ESRRG: variants seen among roughly 807,000 people sequenced by gnomAD.
ESRRG encodes estrogen-related receptor gamma.
A neutral mutation model predicts 44.0 loss-of-function variants in ESRRG; 13 were observed. The observed-to-expected ratio is 0.30, with a 90% CI of 0.19 to 0.47. The LOEUF (loss-of-function observed/expected upper bound fraction) is 0.47, where lower values mean the gene tolerates loss of function less well. Ranked by LOEUF, ESRRG falls within the 20% of genes least tolerant of loss-of-function variation. The pLI is 1.00. For synonymous variants in ESRRG, 215 were observed against 214.6 expected, an observed-to-expected ratio of 1.00 and a Z score of -0.02; for missense variants, 395 against 580.6, an observed-to-expected ratio of 0.68 and a Z score of 3.29.
intron 1 of ESRRG, among the ~76,000 whole-genome samples, chr1:216,717,810 T>C (rs2085235877): frequency 6.6e-6 from 1 of 151,880 alleles, no homozygotes; most frequent in South Asian, 2.1e-4. Flanking sequence ...GCAAATGATA[T>C]GTTTATGTAG....
At chr1:217,060,245 CTA>C (rs2088070593) in intron 1 of ESRRG, among the ~76,000 whole-genome samples, 2 of 152,176 alleles carry the variant, frequency 1.3e-5, no homozygotes, top group East Asian at 1.9e-4. Context: ...TTTTAAAAGA[CTA>C]TGAGTTTCTC....
At chr1:216,968,455 G>A (rs2150256382) in intron 1 of ESRRG, among the ~76,000 whole-genome samples, 1 of 152,116 alleles carries the variant, frequency 6.6e-6, no homozygotes, top group Admixed American at 6.5e-5. Flanking sequence ...TTTGCATGTG[G>A]ATATCCAGTT....
At chr1:216,570,770 T>G (rs1240532977) in intron 3 of ESRRG, among the ~76,000 whole-genome samples, 2 of 152,116 alleles carry the variant, frequency 1.3e-5, no homozygotes, top group Non-Finnish European at 2.9e-5. Flanking sequence ...GAGGGAACAT[T>G]TTTTGGACAT....
At position 216,769,209 on chromosome 1, in the gene ESRRG, T is replaced by TA. The variant is rs1231007792; in HGVS notation, c.-13-91719dup. ...ACCATTATGGCAGGGAATGTTTGATTAATGTCCCAAAATAAGAATGAACAG... is the reference window on the plus strand; with the variant it reads ...ACCATTATGGCAGGGAATGTTTGATTAAATGTCCCAAAATAAGAATGAACAG... On this transcript the variant is annotated intron_variant, in intron 2 of 7. Coordinates refer to the ESRRG transcript ENST00000359162. Among the ~76,000 whole-genome samples, 9 of 152,228 alleles carry TA rather than the reference T, an allele frequency of 5.9e-5. No homozygotes were observed. In the East Asian group the frequency reaches 1.6e-3, roughly 26 times the overall value.
At chr1:216,932,719 G>GTTTTTT (rs397860904) in intron 2 of ESRRG, among the ~76,000 whole-genome samples, 4 of 70,300 alleles carry the variant, frequency 5.7e-5, no homozygotes, top group Non-Finnish European at 1.1e-4. Context: ...CACCAAACTT[G>GTTTTTT]TTTTTTTTTT....
upstream of ESRRG, among the ~76,000 whole-genome samples, chr1:217,091,116 G>T (rs1175515129): frequency 1.3e-5 from 2 of 152,082 alleles, no homozygotes; most frequent in Non-Finnish European, 2.9e-5. Flanking sequence ...ACCAGGTTTG[G>T]CAAATGCTTT....
chr1:217,021,762 C>A (rs1395652980), intron 1 of ESRRG, among the ~76,000 whole-genome samples: 1 of 152,154 alleles, frequency 6.6e-6, no homozygotes, highest in Non-Finnish European at 1.5e-5. Context: ...AAGGATTGAA[C>A]CATTGTCTCT....
chr1:216,709,639 T>C (rs998500280), intron 1 of ESRRG, among the ~76,000 whole-genome samples: 2 of 152,052 alleles, frequency 1.3e-5, no homozygotes, highest in African/African-American at 4.8e-5. Flanking sequence ...ACAGACCCCT[T>C]TATTAACTAT....
intron 6 of ESRRG, among the ~76,000 whole-genome samples, chr1:216,510,599 T>C (rs948941739): frequency 3.3e-5 from 5 of 152,166 alleles, no homozygotes; most frequent in Non-Finnish European, 7.4e-5. Flanking sequence ...ATATTAATCA[T>C]TGTGGGCCAG....
intron 2 of ESRRG, among the ~76,000 whole-genome samples, chr1:216,885,444 A>T (rs527703327): frequency 6.6e-6 from 1 of 152,190 alleles, no homozygotes; most frequent in African/African-American, 2.4e-5. Context: ...CAGGTGGAGT[A>T]TGAGGAACCA....
chr1:216,793,230 G>C (rs1343374261), intron 2 of ESRRG, among the ~76,000 whole-genome samples: 1 of 152,140 alleles, frequency 6.6e-6, no homozygotes, highest in Non-Finnish European at 1.5e-5. Context: ...GGGGTAGTAA[G>C]CCTCCAGGAT....
intron 2 of ESRRG, among the ~76,000 whole-genome samples, chr1:216,935,530 TTTCCAGGTATGTCACC>T (rs1421838073): frequency 6.6e-6 from 1 of 152,120 alleles, no homozygotes; most frequent in Non-Finnish European, 1.5e-5. Context: ...TTCCAAGCCC[TTTCCAGGTATGTCACC>T]TTCCCAGAAG....
At chr1:216,876,767 G>A (rs989160735) in intron 2 of ESRRG, among the ~76,000 whole-genome samples, 7 of 151,908 alleles carry the variant, frequency 4.6e-5, no homozygotes, top group South Asian at 2.1e-4. Flanking sequence ...AACCAGCACC[G>A]TGTCATAAGG....
chr1:216,850,448 TA>T (rs1325540867), intron 2 of ESRRG, among the ~76,000 whole-genome samples: 2 of 152,136 alleles, frequency 1.3e-5, no homozygotes, highest in Non-Finnish European at 2.9e-5. Context: ...TAAAAAGATG[TA>T]GTCACTATCC....
At chr1:216,624,195 G>A (rs541331611) in intron 3 of ESRRG, among the ~76,000 whole-genome samples, 1 of 152,186 alleles carries the variant, frequency 6.6e-6, no homozygotes, top group African/African-American at 2.4e-5. Flanking sequence ...AGGCCAAAGA[G>A]GAATAAATTC....
exon 2 of ESRRG, chr1:216,939,621 T>C (rs546227736): frequency 1.3e-5 from 2 of 152,070 alleles, no homozygotes; most frequent in South Asian, 4.2e-4. Context: ...ATTTTTTCCT[T>C]ACATCTTCAT....
At position 216,929,266 on chromosome 1, in the gene ESRRG, C is replaced by CCTTA. The variant is rs1320558741; in HGVS notation, c.-14+10315_-14+10316insTAAG. ...ACTCAAATTTCTTCCTTCCTTGCTT[C>CCTTA]CTTCCTTCCTTCCTTCCTTCCCTCT... On this transcript the variant is annotated intron_variant, in intron 2 of 7. Coordinates refer to the ESRRG transcript ENST00000359162. Among the ~76,000 whole-genome samples the CCTTA allele has an allele frequency of 5.9e-5, 9 of 151,868 alleles. No individual in the cohort carries two copies. In the East Asian group the frequency reaches 1.8e-3, roughly 30 times the overall value.
intron 2 of ESRRG, among the ~76,000 whole-genome samples, chr1:216,814,237 A>G (rs1413161143): frequency 1.3e-5 from 2 of 152,236 alleles, no homozygotes; most frequent in African/African-American, 4.8e-5. Flanking sequence ...GCCTGACTGC[A>G]CTGTGGACAT....
chr1:216,900,788 T>C (rs1033838099), intron 2 of ESRRG, among the ~76,000 whole-genome samples: 4 of 152,182 alleles, frequency 2.6e-5, no homozygotes, highest in African/African-American at 4.8e-5. Flanking sequence ...TTACTATATC[T>C]GTATCTTTAA....
Sources: gnomAD v4.1 joint callset for allele counts (sites outside exome capture counted in the v4.1 genomes callset) on GRCh38, gnomAD v4.1.1 for gene constraint, MANE v1.5 for transcripts, NCBI Gene and HGNC (gene_info 2026-07-23, HGNC 2026-07-21) for gene names.